DIMT1: variants seen among roughly 807,000 people sequenced by gnomAD.
DIMT1 encodes the protein dimethyladenosine transferase.
DIMT1 carries 36 observed loss-of-function variants against 43.2 expected under a neutral mutation model. That is an observed-to-expected ratio of 0.83 (90% CI 0.64 to 1.10). DIMT1 has a LOEUF of 1.10. Ranked by LOEUF, DIMT1 falls within the 50% of genes least tolerant of loss-of-function variation. The pLI, the probability that DIMT1 is intolerant of heterozygous loss-of-function variation, is 0.00. For synonymous variants in DIMT1, 126 were observed against 130.3 expected (o/e 0.97, Z 0.22); for missense variants, 341 against 385.3 (o/e 0.88, Z 0.96).
At position 62,398,557 on chromosome 5, in the gene DIMT1, A is replaced by C; in HGVS notation, c.400T>G (p.Ser134Ala). The C allele has an allele frequency of 6.2e-7, 1 of 1,612,520 alleles. No homozygotes were observed. Among genetic ancestry groups the C allele is most frequent in the South Asian group, 1.1e-5 (1 of 91,044 alleles). The change falls in exon 6 of 12, where the codon TCT becomes GCT. Residue 134 changes from serine to alanine, a missense_variant. Coordinates refer to ENST00000199320, the MANE Select transcript of DIMT1 (RefSeq NM_014473.4). ...AACAGCTTGAAGACAAAAGGTGAAGAGATCTGTAAGAGAATTAACTAGTTA... is the reference window on the plus strand; with the variant it reads ...AACAGCTTGAAGACAAAAGGTGAAGCGATCTGTAAGAGAATTAACTAGTTA... ...TCVANLPYQI[S>A]SPFVFKLLLH...
intron 11 of DIMT1, 86 bp from the exon 12 acceptor site, chr5:62,389,138 A>G: frequency 8.5e-7 from 1 of 1,169,812 alleles, no homozygotes. Context: ...TTAATACTAA[A>G]ACATGAATAC....
chr5:62,396,764 G>A (rs574471614), intron 6 of DIMT1, among the ~76,000 whole-genome samples: 6 of 152,058 alleles, frequency 3.9e-5, no homozygotes, highest in Non-Finnish European at 7.4e-5. Context: ...AATGCCCTGA[G>A]CATTCAAAAA....
intron 6 of DIMT1, among the ~76,000 whole-genome samples, chr5:62,395,109 C>G (rs908935719): frequency 5.9e-5 from 9 of 151,324 alleles, no homozygotes; most frequent in Admixed American, 5.9e-4. Context: ...ACTACAACTT[C>G]CGTCTCCCAG....
At chr5:62,392,053 G>A (rs930154560) in intron 10 of DIMT1, 118 bp downstream of exon 10, 13 of 1,580,094 alleles carry the variant, frequency 8.2e-6, no homozygotes, top group Admixed American at 7.2e-5. Context: ...ATTATATATT[G>A]TCTTTTAAGG....
intron 11 of DIMT1, among the ~76,000 whole-genome samples, chr5:62,390,572 G>C (rs755608760): frequency 2.0e-5 from 3 of 152,182 alleles, no homozygotes; most frequent in Admixed American, 2.0e-4. Context: ...CTATGAATGA[G>C]AGTTGGGGAA....
intron 8 of DIMT1, among the ~76,000 whole-genome samples, chr5:62,393,413 C>T (rs548355223): frequency 2.6e-5 from 4 of 152,196 alleles, no homozygotes; most frequent in Non-Finnish European, 5.9e-5. Flanking sequence ...ACAAAATGGT[C>T]CCACATCTGA....
chr5:62,396,360 T>C (rs968595260), intron 6 of DIMT1, among the ~76,000 whole-genome samples: 29 of 151,720 alleles, frequency 1.9e-4, no homozygotes, highest in African/African-American at 7.0e-4. Flanking sequence ...ATACAACAAT[T>C]AGCTGGGTGT....
At position 62,393,950 on chromosome 5, in the gene DIMT1, C is replaced by T. The variant is rs1742392486; in HGVS notation, c.663+5G>A. Reference sequence around the variant, plus strand: ...TTATTGAATGAGCTAGTATTTTAACCTCACCTGAAAATTGATGGGTGGTGG... The same window carrying T: ...TTATTGAATGAGCTAGTATTTTAACTTCACCTGAAAATTGATGGGTGGTGG... On this transcript the variant is annotated splice_donor_5th_base_variant and intron_variant, in intron 8 of 11. Coordinates refer to ENST00000199320, the MANE Select transcript of DIMT1 (RefSeq NM_014473.4). The T allele has an allele frequency of 1.2e-6, 2 of 1,605,438 alleles. No individual in the cohort carries two copies. Among genetic ancestry groups the T allele is most frequent in the Non-Finnish European group, 1.7e-6 (2 of 1,177,786 alleles).
At chr5:62,403,488 T>C in intron 1 of DIMT1, 142 bp from the exon 2 acceptor site, 2 of 987,664 alleles carry the variant, frequency 2.0e-6, no homozygotes. Context: ...TGACAAACTC[T>C]TTATAAGTTC....
intron 3 of DIMT1, among the ~76,000 whole-genome samples, chr5:62,400,808 T>C (rs247259): frequency 0.57 from 86,353 of 151,752 alleles, 25,187 homozygotes; most frequent in African/African-American, 0.69. Context: ...ACCCAGGCTG[T>C]AGTGAAGTGG....
At chr5:62,394,177 A>C in intron 7 of DIMT1, 130 bp from the exon 8 acceptor site, 1 of 952,128 alleles carries the variant, frequency 1.1e-6, no homozygotes, top group Middle Eastern at 3.2e-4. Flanking sequence ...TCAATAATAA[A>C]AATCACTGGC....
intron 6 of DIMT1, among the ~76,000 whole-genome samples, chr5:62,395,783 C>T (rs988627912): frequency 5.9e-5 from 9 of 152,074 alleles, no homozygotes; most frequent in Non-Finnish European, 8.8e-5. Context: ...GCGGACAGAT[C>T]GCTTGAGCTC....
At chr5:62,393,037 C>G (rs1742362838) in intron 8 of DIMT1, 47 bp from the exon 9 acceptor site, 1 of 1,263,864 alleles carries the variant, frequency 7.9e-7, no homozygotes, top group Non-Finnish European at 1.2e-6. Context: ...ACTTCTTGTT[C>G]TTGTCTATGC....
Position 62,392,965 on chromosome 5 carries a change from G to A in DIMT1, c.689C>T (p.Thr230Ile), listed in dbSNP as rs748639651. Residue 230 changes from threonine to isoleucine, a missense_variant, in exon 9 of 12, where the codon ACC becomes ATC. By Grantham distance (89) the Thr-to-Ile change is moderately conservative (BLOSUM62 -1). Transcript: ENST00000199320. Reference protein sequence around the residue: ...FQEWDGLVRITFVRKNKTLSA... With the variant: ...FQEWDGLVRIIFVRKNKTLSA... ...GAGTGTCTTGTTTTTCCTAACAAAG[G>A]TTATCCTTACTAGACCATCCCATTC... 2.5e-6 allele frequency: 4 copies of A among 1,610,418 alleles called. No homozygotes were observed. The Admixed American group carries it at 6.7e-5, about 27-fold the overall frequency.
intron 3 of DIMT1, among the ~76,000 whole-genome samples, chr5:62,401,554 T>C (rs1389175403): frequency 6.7e-6 from 1 of 149,862 alleles, no homozygotes; most frequent in African/African-American, 2.4e-5. Flanking sequence ...GTTTCTGTTT[T>C]CCTCACTGAA....
chr5:62,390,632 A>G (rs1742263380), intron 11 of DIMT1, among the ~76,000 whole-genome samples: 1 of 152,200 alleles, frequency 6.6e-6, no homozygotes, highest in Non-Finnish European at 1.5e-5. Context: ...TGCACACCAC[A>G]TTAACACAAA....
At chr5:62,393,546 A>G (rs937788314) in intron 8 of DIMT1, among the ~76,000 whole-genome samples, 4 of 152,094 alleles carry the variant, frequency 2.6e-5, no homozygotes, top group African/African-American at 9.7e-5. Context: ...TTATTGACAA[A>G]CCACTCCATT....
chr5:62,396,883 C>T (rs1158613263), intron 6 of DIMT1, among the ~76,000 whole-genome samples: 1 of 152,206 alleles, frequency 6.6e-6, no homozygotes, highest in Non-Finnish European at 1.5e-5. Flanking sequence ...TTTAGGATCA[C>T]ACTGGTAAAG....
At chr5:62,393,134 T>C in intron 8 of DIMT1, 144 bp from the exon 9 acceptor site, 1 of 518,906 alleles carries the variant, frequency 1.9e-6, no homozygotes, top group Non-Finnish European at 3.3e-6. Context: ...TTGATCTGGC[T>C]GGCACACACA....
Sources: gnomAD v4.1 joint callset for allele counts (sites outside exome capture counted in the v4.1 genomes callset) on GRCh38, gnomAD v4.1.1 for gene constraint, MANE v1.5 for transcripts, NCBI Gene and HGNC (gene_info 2026-07-23, HGNC 2026-07-21) for gene names.